The following AUTS2 variants were observed in gnomAD, a reference collection of about 807,000 sequenced individuals.
AUTS2 encodes the protein autism susceptibility gene 2 protein.
AUTS2 carries 17 observed loss-of-function variants against 112.4 expected under a neutral mutation model. That is an observed-to-expected ratio of 0.15 (90% confidence interval 0.10 to 0.23). The LOEUF (loss-of-function observed/expected upper bound fraction) is 0.23, where lower values mean the gene tolerates loss of function less well. Among genes scored for constraint, AUTS2 ranks in the 10% least tolerant of loss-of-function variants. The probability of loss-of-function intolerance (pLI) is 1.00; values close to 1 mark genes in which losing one functional copy is unlikely to be tolerated. For synonymous variants in AUTS2, 751 were observed against 702.7 expected (o/e 1.07, Z -1.09); for missense variants, 1,510 against 1,701.6 (o/e 0.89, Z 1.98).
chr7:69,792,971 T>C (rs1164611947), intron 1 of AUTS2, among the ~76,000 whole-genome samples: 2 of 152,120 alleles, frequency 1.3e-5, no homozygotes, highest in African/African-American at 4.8e-5. Flanking sequence ...GTGTGTTATG[T>C]TGAGATTTGC....
chr7:70,002,310 A>G (rs1287926263), intron 2 of AUTS2, among the ~76,000 whole-genome samples: 2 of 152,202 alleles, frequency 1.3e-5, no homozygotes, highest in Admixed American at 6.5e-5. Context: ...GCGGGGTGGC[A>G]TTATGATTAT....
intron 1 of AUTS2, among the ~76,000 whole-genome samples, chr7:69,828,525 G>T (rs10239569): frequency 0.076 from 11,551 of 152,190 alleles, 590 homozygotes; most frequent in African/African-American, 0.14. Flanking sequence ...TTATGTGTGA[G>T]AAAGAAAAAT....
intron 10 of AUTS2, among the ~76,000 whole-genome samples, chr7:70,768,950 T>TACTC (rs1468775148): frequency 2.0e-5 from 3 of 150,356 alleles, no homozygotes; most frequent in Non-Finnish European, 4.4e-5. Flanking sequence ...TGATTCACCA[T>TACTC]ACTCAACTGT....
At chr7:70,229,941 T>C (rs1811958080) in intron 4 of AUTS2, among the ~76,000 whole-genome samples, 2 of 152,202 alleles carry the variant, frequency 1.3e-5, no homozygotes, top group African/African-American at 2.4e-5. Flanking sequence ...TTATTGCTAT[T>C]CTCTATTTGA....
At chr7:70,485,144 A>C (rs1475450738) in intron 5 of AUTS2, among the ~76,000 whole-genome samples, 2 of 152,234 alleles carry the variant, frequency 1.3e-5, no homozygotes, top group African/African-American at 4.8e-5. Context: ...ATCTATCCAA[A>C]GGAAAAGAAG....
At chr7:70,542,677 A>G (rs1009267123) in intron 5 of AUTS2, among the ~76,000 whole-genome samples, 5 of 152,186 alleles carry the variant, frequency 3.3e-5, no homozygotes, top group African/African-American at 1.2e-4. Context: ...AACCAGCCCC[A>G]TGAAGTCAGT....
At chr7:69,929,510 A>G (rs1456202385) in intron 2 of AUTS2, among the ~76,000 whole-genome samples, 1 of 148,978 alleles carries the variant, frequency 6.7e-6, no homozygotes, top group Non-Finnish European at 1.5e-5. Context: ...GATAGTTTGA[A>G]CTCTTCCTAG....
chr7:70,635,972 C>G (rs1244212284), intron 5 of AUTS2, among the ~76,000 whole-genome samples: 3 of 152,202 alleles, frequency 2.0e-5, no homozygotes, highest in African/African-American at 4.8e-5. Context: ...GTGTTTGCCT[C>G]TGGAGCAAAA....
chr7:70,536,262 A>G (rs564134653), intron 5 of AUTS2, among the ~76,000 whole-genome samples: 5 of 152,304 alleles, frequency 3.3e-5, no homozygotes, highest in South Asian at 4.1e-4. Context: ...GCACTCCAGT[A>G]TGAGTGACAG....
At chr7:70,653,025 G>A (rs936592345) in intron 5 of AUTS2, among the ~76,000 whole-genome samples, 1 of 151,670 alleles carries the variant, frequency 6.6e-6, no homozygotes, top group Non-Finnish European at 1.5e-5. Flanking sequence ...GAGGTCAAGA[G>A]AGGAGGATCA....
chr7:70,118,271 A>T (rs1256885474), intron 3 of AUTS2, 38 bp downstream of exon 3: 53 of 1,512,128 alleles, frequency 3.5e-5, no homozygotes, highest in Non-Finnish European at 4.6e-5. Flanking sequence ...AAAAAAATTA[A>T]CGAAAACCAC....
intron 5 of AUTS2, among the ~76,000 whole-genome samples, chr7:70,608,012 G>A (rs1585370680): frequency 6.6e-6 from 1 of 152,294 alleles, no homozygotes; most frequent in Middle Eastern, 3.4e-3. Context: ...TGGGACACTG[G>A]TACCCTAAGC....
chr7:69,865,672 A>G (rs1793192751), intron 1 of AUTS2, among the ~76,000 whole-genome samples: 1 of 151,966 alleles, frequency 6.6e-6, no homozygotes, highest in African/African-American at 2.4e-5. Flanking sequence ...ATTCTCTTTC[A>G]TTCTCATTTC....
intron 4 of AUTS2, among the ~76,000 whole-genome samples, chr7:70,286,384 C>T (rs1296225067): frequency 1.3e-5 from 2 of 152,114 alleles, no homozygotes; most frequent in Non-Finnish European, 2.9e-5. Flanking sequence ...CAGGGTCCTG[C>T]GTGTGTACCA....
intron 1 of AUTS2, among the ~76,000 whole-genome samples, chr7:69,888,645 G>A (rs554138475): frequency 2.7e-5 from 4 of 150,404 alleles, no homozygotes; most frequent in African/African-American, 4.9e-5. Flanking sequence ...GCAGTGGTGC[G>A]ATCTCGGCTC....
Position 70,080,261 on chromosome 7 carries a change from A to G in AUTS2, c.523-37871A>G, listed in dbSNP as rs375936169. Reference sequence around the variant, plus strand: ...TGGATAGCAAAACAATTAAGAGAATATCTTCTTGTATTTTGAAACTGTTTC... The same window carrying G: ...TGGATAGCAAAACAATTAAGAGAATGTCTTCTTGTATTTTGAAACTGTTTC... On this transcript the variant is annotated intron_variant, in intron 2 of 18. Coordinates refer to ENST00000342771, the MANE Select transcript of AUTS2 (RefSeq NM_015570.4). Among the ~76,000 whole-genome samples, 147 of 152,312 alleles carry G rather than the reference A, an allele frequency of 9.7e-4. 1 individual carries two copies. In the East Asian group the frequency reaches 0.01, roughly 11 times the overall value.
chr7:70,358,384 C>G (rs556246233), intron 4 of AUTS2, among the ~76,000 whole-genome samples: 21 of 152,234 alleles, frequency 1.4e-4, no homozygotes, highest in African/African-American at 4.8e-4. Flanking sequence ...CAGCTTACTT[C>G]TCTTCACTTC....
intron 5 of AUTS2, among the ~76,000 whole-genome samples, chr7:70,689,288 G>A (rs1481871859): frequency 6.6e-6 from 1 of 152,174 alleles, no homozygotes; most frequent in African/African-American, 2.4e-5. Flanking sequence ...GGCTGAGGTA[G>A]GAGGATCACT....
chr7:70,540,817 C>T (rs1800524124), intron 5 of AUTS2, among the ~76,000 whole-genome samples: 1 of 152,182 alleles, frequency 6.6e-6, no homozygotes, highest in South Asian at 2.1e-4. Context: ...ACTTCATTAG[C>T]ATGACAGAAC....
Sources: gnomAD v4.1 joint callset for allele counts (sites outside exome capture counted in the v4.1 genomes callset) on GRCh38, gnomAD v4.1.1 for gene constraint, MANE v1.5 for transcripts, NCBI Gene and HGNC (gene_info 2026-07-23, HGNC 2026-07-21) for gene names.